TEX11: variants seen among roughly 807,000 people sequenced by gnomAD.
TEX11 encodes testis expressed 11.
A neutral mutation model predicts 84.4 loss-of-function variants in TEX11; 7 were observed. The observed-to-expected ratio is 0.08, with a 90% CI of 0.05 to 0.16. The LOEUF (loss-of-function observed/expected upper bound fraction) is 0.16, where lower values mean the gene tolerates loss of function less well. Ranked by LOEUF, TEX11 falls within the 10% of genes least tolerant of loss-of-function variation. The probability of loss-of-function intolerance (pLI) is 1.00; values close to 1 mark genes in which losing one functional copy is unlikely to be tolerated. For synonymous variants in TEX11, 264 were observed against 222.8 expected (o/e 1.18, Z -1.64); for missense variants, 551 against 660.5 (o/e 0.83, Z 1.82).
chrX:70,530,301 C>A (rs2087870033), intron 28 of TEX11, among the ~76,000 whole-genome samples: 1 of 112,012 alleles, frequency 8.9e-6, no homozygotes, highest in Non-Finnish European at 1.9e-5. Context: ...CTGTTTGGGG[C>A]TTCCCTTGAT....
intron 9 of TEX11, among the ~76,000 whole-genome samples, chrX:70,766,404 T>A (rs2090940714): frequency 9.4e-6 from 1 of 106,259 alleles, no homozygotes; most frequent in Non-Finnish European, 1.9e-5. Context: ...AGAGCAAGAC[T>A]CTGTCTCAAA....
intron 9 of TEX11, among the ~76,000 whole-genome samples, chrX:70,747,068 A>T (rs949208724): frequency 1.8e-5 from 2 of 112,008 alleles, no homozygotes; most frequent in Admixed American, 9.5e-5. Flanking sequence ...AATCGACCTC[A>T]TACTGAGGGA....
chrX:70,776,747 T>A (rs1031732089), intron 9 of TEX11, among the ~76,000 whole-genome samples: 1 of 109,964 alleles, frequency 9.1e-6, no homozygotes, highest in African/African-American at 3.3e-5. Context: ...AATACCAGAA[T>A]CTAGGAAAGG....
chrX:70,660,068 C>T (rs2089910601), intron 16 of TEX11, among the ~76,000 whole-genome samples: 1 of 111,648 alleles, frequency 9.0e-6, no homozygotes, highest in African/African-American at 3.3e-5. Context: ...ATTTATATAT[C>T]TAAACATATC....
At chrX:70,890,947 C>A (rs1445911969) in intron 2 of TEX11, among the ~76,000 whole-genome samples, 1 of 112,299 alleles carries the variant, frequency 8.9e-6, no homozygotes, top group Non-Finnish European at 1.9e-5. Context: ...GGAGATGCCT[C>A]CCAGTAGGGG....
At chrX:70,553,045 C>A (rs770402199) in intron 27 of TEX11, among the ~76,000 whole-genome samples, 2 of 112,169 alleles carry the variant, frequency 1.8e-5, no homozygotes, top group East Asian at 5.6e-4. Context: ...AGGTACTTAG[C>A]AGTTTTATTA....
intron 17 of TEX11, among the ~76,000 whole-genome samples, chrX:70,637,764 G>A (rs1234937042): frequency 9.0e-6 from 1 of 110,555 alleles, no homozygotes; most frequent in Non-Finnish European, 1.9e-5. Flanking sequence ...CTTGCTGGAG[G>A]GTGGGGGCTG....
At chrX:70,825,450 T>C (rs1463387735) in intron 8 of TEX11, among the ~76,000 whole-genome samples, 1 of 110,530 alleles carries the variant, frequency 9.0e-6, no homozygotes, top group Admixed American at 9.7e-5. Context: ...ATGATATGAA[T>C]GTTAAAACTA....
intron 9 of TEX11, among the ~76,000 whole-genome samples, chrX:70,751,993 C>T (rs1268220615): frequency 9.0e-6 from 1 of 111,675 alleles, no homozygotes; most frequent in Non-Finnish European, 1.9e-5. Context: ...GTAATATATT[C>T]GATAACGATT....
rs751421445 is a variant in TEX11 at position 70,707,125 on chromosome X, C to G, written c.1004+15493G>C. 4.5e-5 allele frequency among the ~76,000 whole-genome samples: 5 copies of G among 110,602 alleles called. No homozygotes were observed. The South Asian group carries it at 1.9e-3, about 43-fold the overall frequency. ...AGTCCCTACCACAGGTGTCCTAACT[C>G]TTCCTTTCCACTATTCTAAATCCTA... On this transcript the variant is annotated intron_variant, in intron 13 of 29. Coordinates refer to ENST00000374333, the MANE Select transcript of TEX11 (RefSeq NM_031276.3).
intron 16 of TEX11, among the ~76,000 whole-genome samples, chrX:70,661,867 T>C (rs1025769859): frequency 1.2e-4 from 13 of 111,557 alleles, no homozygotes; most frequent in African/African-American, 3.9e-4. Context: ...ACCTCATCTG[T>C]ACATTACCAT....
chrX:70,793,670 T>G lies in TEX11; in HGVS notation c.692+13035A>C, dbSNP rs147705894. On this transcript the variant is annotated intron_variant, in intron 9 of 29. Transcript: ENST00000374333. The stretch of plus-strand genomic sequence containing the variant: ...TACAGCCTACAGAACCATGAACCAA[T>G]TAAACCTTTTTTCTTATAAATTAAA... Among the ~76,000 whole-genome samples the G allele has an allele frequency of 7.2e-5, 8 of 111,590 alleles. No individual in the cohort carries two copies. The East Asian group carries it at 2.2e-3, about 31-fold the overall frequency.
intron 13 of TEX11, among the ~76,000 whole-genome samples, chrX:70,696,754 G>T (rs1424407262): frequency 9.1e-6 from 1 of 110,372 alleles, no homozygotes; most frequent in Non-Finnish European, 1.9e-5. Flanking sequence ...AGGTGCCAGA[G>T]CAAGACTCTA....
intron 2 of TEX11, among the ~76,000 whole-genome samples, chrX:70,889,888 C>T (rs2091728204): frequency 1.8e-5 from 2 of 111,432 alleles, no homozygotes; most frequent in South Asian, 7.4e-4. Flanking sequence ...GAGAAGACCA[C>T]AAAACAACCA....
chrX:70,558,010 G>A (rs1306128390), intron 25 of TEX11, among the ~76,000 whole-genome samples: 1 of 110,966 alleles, frequency 9.0e-6, no homozygotes, highest in African/African-American at 3.3e-5. Context: ...TTAGCCAGAT[G>A]TGGTGGTGGC....
chrX:70,841,550 C>T (rs975991972), intron 7 of TEX11, among the ~76,000 whole-genome samples: 3 of 110,510 alleles, frequency 2.7e-5, no homozygotes, highest in South Asian at 3.9e-4. Context: ...AATTGACACC[C>T]TAACATCACA....
chrX:70,542,153 G>A (rs1359187113), intron 28 of TEX11, among the ~76,000 whole-genome samples: 1 of 111,238 alleles, frequency 9.0e-6, no homozygotes, highest in South Asian at 3.9e-4. Flanking sequence ...ATGATATTAG[G>A]AGGTGGGGCT....
At chrX:70,804,190 T>C (rs1288079826) in intron 9 of TEX11, among the ~76,000 whole-genome samples, 4 of 112,042 alleles carry the variant, frequency 3.6e-5, no homozygotes, top group Non-Finnish European at 5.6e-5. Context: ...CAGTTTCCGT[T>C]TGTTAAGCAG....
At chrX:70,716,751 G>T in intron 13 of TEX11, among the ~76,000 whole-genome samples, 1 of 112,049 alleles carries the variant, frequency 8.9e-6, no homozygotes, top group Non-Finnish European at 1.9e-5. Flanking sequence ...GCCTCGCCCT[G>T]CTTCAGCTCA....
Sources: allele counts gnomAD v4.1 joint callset (sites outside exome capture counted in the v4.1 genomes callset), GRCh38; gene constraint gnomAD v4.1.1; transcripts MANE v1.5; gene names NCBI Gene and HGNC (gene_info 2026-07-23, HGNC 2026-07-21).